HHIP: variants seen among roughly 807,000 people sequenced by gnomAD.
The protein encoded by HHIP is hedgehog-interacting protein.
In HHIP, 12 loss-of-function variants were observed where a neutral mutation model predicts 74.0. The observed-to-expected ratio is 0.16, with a 90% confidence interval of 0.10 to 0.26. The LOEUF (loss-of-function observed/expected upper bound fraction) is 0.26. Among genes scored for constraint, HHIP ranks in the 10% least tolerant of loss-of-function variants. The pLI, the probability that HHIP is intolerant of heterozygous loss-of-function variation, is 1.00. For missense variants in HHIP, 788 were observed against 845.0 expected (o/e 0.93, Z 0.84); for synonymous variants, 309 against 311.6 (o/e 0.99, Z 0.09).
At chr4:144,653,560 G>C (rs1728481271) in intron 2 of HHIP, among the ~76,000 whole-genome samples, 1 of 151,926 alleles carries the variant, frequency 6.6e-6, no homozygotes, top group Admixed American at 6.6e-5. Flanking sequence ...GCTTTAGTTG[G>C]AAGACTCAAC....
intron 2 of HHIP, among the ~76,000 whole-genome samples, chr4:144,657,208 A>C (rs537609933): frequency 9.9e-5 from 15 of 152,158 alleles, no homozygotes; most frequent in Non-Finnish European, 1.8e-4. Context: ...TTCACATTCT[A>C]AGATAAGTTT....
chr4:144,654,356 T>C (rs1261907898), intron 2 of HHIP, among the ~76,000 whole-genome samples: 3 of 152,144 alleles, frequency 2.0e-5, no homozygotes, highest in Non-Finnish European at 4.4e-5. Context: ...CTGAAGTGCA[T>C]CAAGATGTCA....
intron 12 of HHIP, among the ~76,000 whole-genome samples, chr4:144,736,143 T>C (rs575328477): frequency 2.0e-5 from 3 of 150,042 alleles, no homozygotes; most frequent in African/African-American, 7.3e-5. Flanking sequence ...CATCTTTTTT[T>C]TTTTTTTTTT....
chr4:144,652,849 A>G, intron 2 of HHIP, 52 bp downstream of exon 2: 1 of 1,200,952 alleles, frequency 8.3e-7, no homozygotes, highest in Non-Finnish European at 1.2e-6. Flanking sequence ...ATATCCTTGT[A>G]AGATACTTGT....
intron 4 of HHIP, among the ~76,000 whole-genome samples, chr4:144,674,344 CAAT>C: frequency 6.6e-6 from 1 of 152,290 alleles, no homozygotes; most frequent in South Asian, 2.1e-4. Context: ...ATGTTAAACT[CAAT>C]ATCTTATGTC....
chr4:144,711,129 CAG>C (rs1487664946), intron 7 of HHIP, among the ~76,000 whole-genome samples: 6 of 152,150 alleles, frequency 3.9e-5, no homozygotes, highest in African/African-American at 1.4e-4. Context: ...AACATGAAAA[CAG>C]AGTCAACGTA....
intron 4 of HHIP, among the ~76,000 whole-genome samples, chr4:144,672,506 G>A (rs1442645165): frequency 6.6e-6 from 1 of 152,062 alleles, no homozygotes; most frequent in East Asian, 1.9e-4. Flanking sequence ...GAAGGAAGAG[G>A]AGAGTAGTTG....
intron 4 of HHIP, among the ~76,000 whole-genome samples, chr4:144,694,279 A>G (rs1163605553): frequency 6.6e-6 from 1 of 151,826 alleles, no homozygotes; most frequent in Admixed American, 6.6e-5. Flanking sequence ...CACATGGAGG[A>G]AACCTCATAT....
rs142881626 is a variant in HHIP, at chr4:144,680,468, A to T, written c.831+20630A>T. On this transcript the variant is annotated intron_variant, in intron 4 of 12. Transcript: ENST00000296575. ...AGAGGATTGTTACCAGAAGACAGTTACAAAGCTACTTTCTGTTTGATCAAA... is the reference window on the plus strand; with the variant it reads ...AGAGGATTGTTACCAGAAGACAGTTTCAAAGCTACTTTCTGTTTGATCAAA... 7.2e-5 allele frequency among the ~76,000 whole-genome samples: 11 copies of T among 152,338 alleles called. No individual in the cohort carries two copies. The East Asian group carries it at 2.1e-3, about 29-fold the overall frequency.
chr4:144,659,552 A>G, intron 3 of HHIP, 85 bp from the exon 4 acceptor site: 1 of 834,254 alleles, frequency 1.2e-6, no homozygotes, highest in South Asian at 3.6e-5. Context: ...TTCCTAGAGG[A>G]AATAGAGTTT....
chr4:144,720,017 C>A (rs184141117), intron 11 of HHIP, among the ~76,000 whole-genome samples: 5 of 152,170 alleles, frequency 3.3e-5, no homozygotes, highest in African/African-American at 4.8e-5. Context: ...TTGGCTCTTG[C>A]AGAACAAAAA....
intron 11 of HHIP, among the ~76,000 whole-genome samples, chr4:144,724,537 C>T (rs2126677994): frequency 6.6e-6 from 1 of 151,262 alleles, no homozygotes; most frequent in African/African-American, 2.4e-5. Context: ...TTACAGTGTA[C>T]AACATGATGT....
chr4:144,696,704 G>T (rs1440286987), intron 4 of HHIP, among the ~76,000 whole-genome samples: 1 of 151,894 alleles, frequency 6.6e-6, no homozygotes, highest in African/African-American at 2.4e-5. Flanking sequence ...TATGCCTCTT[G>T]TTTCCTTACA....
At chr4:144,664,507 C>T (rs1294783453) in intron 4 of HHIP, among the ~76,000 whole-genome samples, 1 of 152,158 alleles carries the variant, frequency 6.6e-6, no homozygotes, top group Non-Finnish European at 1.5e-5. Flanking sequence ...CTTTGACTTG[C>T]AATCTTAAGG....
Position 144,725,782 on chromosome 4 carries a change from C to T in HHIP, c.1760+6826C>T, listed in dbSNP as rs373853898. Among the ~76,000 whole-genome samples, 479 of 152,206 alleles carry T rather than the reference C, an allele frequency of 3.1e-3. 6 individuals carry two copies. Among genetic ancestry groups the T allele is most frequent in the African/African-American group, 0.011 (449 of 41,530 alleles). ...CTCCCGGGTTCAAGCGATTCTCCTG[C>T]CTCAGCCTCCCAAGTAGCTGGGATT... is the stretch of plus-strand genomic sequence containing the variant. On this transcript the variant is annotated intron_variant, in intron 11 of 12. Transcript: ENST00000296575.
Position 144,737,950 on chromosome 4 carries a change from T to C in HHIP, c.2096T>C (p.Ile699Thr), listed in dbSNP as rs756018836. ...TACTTGCTGGATCTAACAAGTTACA[T>C]TGTATAGTTTCTGGGACTGTTTGAA... ...TSYLLDLTSY[I>T]V Residue 699 changes from isoleucine to threonine, a missense_variant, in exon 13 of 13, where the codon ATT (isoleucine) becomes ACT (threonine). Around this residue, in one of 3 missense-constraint regions of HHIP, gnomAD observed 343 missense variants for 347.9 expected, o/e 0.99. Transcript: ENST00000296575. 6 of 1,597,924 alleles carry C rather than the reference T, an allele frequency of 3.8e-6. No homozygotes were observed. The highest frequency in any genetic ancestry group is 5.1e-6 in the Non-Finnish European group (6 of 1,172,366).
intron 4 of HHIP, among the ~76,000 whole-genome samples, chr4:144,662,923 T>A (rs1036131374): frequency 6.6e-6 from 1 of 152,220 alleles, no homozygotes; most frequent in Non-Finnish European, 1.5e-5. Flanking sequence ...TTGGCAATGA[T>A]AGACTAATGC....
Position 144,708,057 on chromosome 4 carries a change from T to C in HHIP, c.1158-111T>C, listed in dbSNP as rs149376236. Reference sequence around the variant, plus strand: ...TGCATCCAGCCACTTTAATATTTTATTTCAACTAAGGGGATGATTTTTTCA... The same window carrying C: ...TGCATCCAGCCACTTTAATATTTTACTTCAACTAAGGGGATGATTTTTTCA... On this transcript the variant is annotated intron_variant, in intron 6 of 12. Coordinates refer to ENST00000296575, the MANE Select transcript of HHIP (RefSeq NM_022475.3). The C allele has an allele frequency of 6.6e-4, 772 of 1,162,420 alleles. 2 individuals are homozygous for C. In the African/African-American group the frequency reaches 0.01, roughly 16 times the overall value. The allele number at this position is 1,162,420 out of a possible 1,614,324, so 72.0% of individuals were successfully genotyped here. A position where few individuals can be genotyped will look rare whatever the true frequency, so the allele number is the denominator to read the frequency against.
rs979174420 is a variant in HHIP at position 144,680,887 on chromosome 4, C to T, written c.831+21049C>T. On this transcript the variant is annotated intron_variant, in intron 4 of 12. Coordinates refer to ENST00000296575, the MANE Select transcript of HHIP (RefSeq NM_022475.3). ...TACTTGTTTACTGTCAGGATATTGA[C>T]GCCATCTCATTGTTCCCAGTATTGA... 1.5e-4 allele frequency among the ~76,000 whole-genome samples: 23 copies of T among 152,258 alleles called. No homozygotes were observed. In the East Asian group the frequency reaches 1.5e-3, roughly 10 times the overall value.
Sources: gnomAD v4.1 joint callset for allele counts (sites outside exome capture counted in the v4.1 genomes callset) on GRCh38, gnomAD v4.1.1 for gene constraint, gnomAD v4.1.1 regional missense constraint, MANE v1.5 for transcripts, NCBI Gene and HGNC (gene_info 2026-07-23, HGNC 2026-07-21) for gene names.